The following DBNDD2 variants were observed in gnomAD, a reference collection of about 807,000 sequenced individuals.
DBNDD2 encodes the protein dysbindin domain-containing protein 2.
Under a neutral mutation model 14.0 loss-of-function variants are expected in DBNDD2, and 8 were observed. The ratio of observed to expected loss-of-function variants is 0.57; its 90% CI spans 0.33 to 1.03. DBNDD2 has a LOEUF of 1.03. DBNDD2 is among the 50% of genes least tolerant of loss of function. DBNDD2 has a pLI of 0.03. For missense variants in DBNDD2, 194 were observed against 206.0 expected (o/e 0.94, Z 0.36); for synonymous variants, 94 against 85.3 (o/e 1.10, Z -0.56).
At chr20:45,409,579 T>C (rs1191521549) in intron 2 of DBNDD2, among the ~76,000 whole-genome samples, 54 of 152,368 alleles carry the variant, frequency 3.5e-4, no homozygotes, top group East Asian at 1.9e-4. Flanking sequence ...TAGGTTTTAT[T>C]CCCAAAACCC....
chr20:45,410,369 T>C lies in DBNDD2; in HGVS notation c.*229T>C. ...CAGTTTTTGGCTTACTCCTGAGATA[T>C]GATTTGCAAATGAGGAGAGAGAAGA... On this transcript the variant is annotated 3_prime_UTR_variant, in exon 3 of 3. Transcript: ENST00000372710. The C allele has an allele frequency of 1.8e-6, 1 of 561,208 alleles. No individual in the cohort carries two copies. Among genetic ancestry groups the C allele is most frequent in the South Asian group, 2.0e-5 (1 of 48,806 alleles). 34.8% of individuals were successfully genotyped at this position (561,208 alleles called of 1,614,324 possible).
At chr20:45,407,903 C>A (rs918831377), upstream of DBNDD2, 13 of 1,279,044 alleles carry the variant, frequency 1.0e-5, no homozygotes. Context: ...GTAGATGGCA[C>A]ATGCGTGTGT....
upstream of DBNDD2, chr20:45,407,949 CG>C: frequency 7.2e-7 from 1 of 1,382,240 alleles, no homozygotes; most frequent in Non-Finnish European, 9.3e-7. Flanking sequence ...AGGAGGGGCG[CG>C]GGAGGAGTTG....
At position 45,410,041 on chromosome 20, in the gene DBNDD2, C is replaced by T. The variant is rs1164744523; in HGVS notation, c.387C>T (p.Ser129=). The stretch of plus-strand genomic sequence containing the variant: ...CCGACTCCTCCACCAACCTGCATAG[C>T]CCAAATCCAAGTGATGATGGAGCAG... ...SSSDSSTNLH[S]PNPSDDGADT... is the part of the protein sequence containing the mutation. Residue 129 remains serine, a synonymous_variant, in exon 3 of 3, where the codon AGC becomes AGT. Transcript: ENST00000372710. The T allele has an allele frequency of 6.4e-7, 1 of 1,553,458 alleles. No homozygotes were observed. Among genetic ancestry groups the T allele is most frequent in the South Asian group, 1.2e-5 (1 of 84,106 alleles).
rs1989784408 is a variant in DBNDD2 at position 45,410,482 on chromosome 20, A to G, written c.*342A>G. The G allele has an allele frequency of 3.3e-6, 1 of 305,882 alleles. No homozygotes were observed. Among genetic ancestry groups the G allele is most frequent in the African/African-American group, 2.1e-5 (1 of 47,302 alleles). 18.9% of individuals were successfully genotyped at this position (305,882 alleles called of 1,614,324 possible). ...GTCTTCTAATACAGTCTCTCAGACA[A>G]GTGTCTCTAGATGGATGTGAACTCC... is the stretch of plus-strand genomic sequence containing the variant. On this transcript the variant is annotated 3_prime_UTR_variant, in exon 3 of 3. Transcript: ENST00000372710.
At position 45,410,361 on chromosome 20, in the gene DBNDD2, C is replaced by T. The variant is rs952514348; in HGVS notation, c.*221C>T. The stretch of plus-strand genomic sequence containing the variant: ...CCTCCCACCAGTTTTTGGCTTACTC[C>T]TGAGATATGATTTGCAAATGAGGAG... On this transcript the variant is annotated 3_prime_UTR_variant, in exon 3 of 3. Coordinates refer to ENST00000372710, the MANE Select transcript of DBNDD2 (RefSeq NM_001048225.4). 2 of 578,022 alleles carry T rather than the reference C, an allele frequency of 3.5e-6. No homozygotes were observed. The highest frequency in any genetic ancestry group is 6.1e-6 in the Non-Finnish European group (2 of 327,374). 35.8% of individuals were successfully genotyped at this position (578,022 alleles called of 1,614,324 possible).
chr20:45,408,011 C>G (rs1399058983), upstream of DBNDD2: 3 of 1,428,890 alleles, frequency 2.1e-6, no homozygotes, highest in Non-Finnish European at 2.7e-6. Flanking sequence ...GGCTGCAGCA[C>G]TGGAGGAAGG....
At chr20:45,406,076 G>A (rs1439037690), upstream of DBNDD2, 7 of 190,646 alleles carry the variant, frequency 3.7e-5, no homozygotes, top group African/African-American at 9.4e-5. Flanking sequence ...GGGGCAGCCG[G>A]GCGAGTCCCA....
intron 1 of DBNDD2, 44 bp from the exon 2 acceptor site, chr20:45,408,757 G>A (rs1185164496): frequency 1.3e-5 from 20 of 1,597,900 alleles, no homozygotes; most frequent in Admixed American, 1.7e-5. Context: ...CTGTCCTGGT[G>A]TGCAGCTTGG....
At position 45,410,134 on chromosome 20, in the gene DBNDD2, C is replaced by T; in HGVS notation, c.480C>T (p.Cys160=). Residue 160 remains cysteine, a synonymous_variant, in exon 3 of 3, where the codon TGC becomes TGT. Transcript: ENST00000372710. ...RGDGGAEPGA[C]S ...ATGGAGGGGCAGAGCCTGGAGCCTG[C>T]AGCTAGCAGTGGGCCCCTGCCTACA... 1 of 1,551,816 alleles carries T rather than the reference C, an allele frequency of 6.4e-7. No homozygotes were observed. The highest frequency in any genetic ancestry group is 8.7e-7 in the Non-Finnish European group (1 of 1,147,108).
At chr20:45,408,003 C>T (rs1170556577), upstream of DBNDD2, 13 of 1,423,386 alleles carry the variant, frequency 9.1e-6, no homozygotes, top group African/African-American at 1.4e-5. Flanking sequence ...AAGGGGTGGG[C>T]TGCAGCACTG....
At position 45,408,426 on chromosome 20, in the gene DBNDD2, T is replaced by C. The variant is rs1452822356; in HGVS notation, c.-42T>C. On this transcript the variant is annotated 5_prime_UTR_variant, in exon 1 of 3. Coordinates refer to ENST00000372710, the MANE Select transcript of DBNDD2 (RefSeq NM_001048225.4). ...TCCCCTCTGTCTTCTCTTTCGACTT[T>C]GCAGCTGTACTTGTTTTGCTCCTCT... The C allele has an allele frequency of 1.9e-6, 3 of 1,614,104 alleles. No homozygotes were observed. Among genetic ancestry groups the C allele is most frequent in the South Asian group, 1.1e-5 (1 of 91,094 alleles).
upstream of DBNDD2, chr20:45,406,497 G>T: frequency 1.3e-6 from 2 of 1,527,364 alleles, no homozygotes; most frequent in Non-Finnish European, 1.8e-6. Context: ...ACCAGTAGCC[G>T]CGCTCGCAGG....
upstream of DBNDD2, chr20:45,408,240 T>C (rs990903749): frequency 2.8e-5 from 43 of 1,551,170 alleles, no homozygotes; most frequent in African/African-American, 4.5e-4. Context: ...ATCCCCTTTG[T>C]GGAGCTTAGG....
At chr20:45,408,730 C>T (rs6104146) in intron 1 of DBNDD2, 71 bp from the exon 2 acceptor site, 1 of 1,583,428 alleles carries the variant, frequency 6.3e-7, no homozygotes, top group Non-Finnish European at 8.7e-7. Flanking sequence ...AACTTGGGAC[C>T]TGACATGTAA....
At position 45,410,079 on chromosome 20, in the gene DBNDD2, C is replaced by T; in HGVS notation, c.425C>T (p.Ala142Val). 2 of 1,554,922 alleles carry T rather than the reference C, an allele frequency of 1.3e-6. No homozygotes were observed. The highest frequency in any genetic ancestry group is 1.7e-6 in the Non-Finnish European group (2 of 1,148,610). ...PSDDGADTPL[A>V]QSDEEEERGD... ...GATGATGGAGCAGATACGCCCTTGGCACAGTCGGATGAAGAGGAGGAAAGG... is the reference window on the plus strand; with the variant it reads ...GATGATGGAGCAGATACGCCCTTGGTACAGTCGGATGAAGAGGAGGAAAGG... The change falls in exon 3 of 3, where the codon GCA (alanine) becomes GTA (valine). Residue 142 changes from alanine (A) to valine (V), a missense_variant. By Grantham distance (64) the Ala-to-Val change is moderately conservative. Coordinates refer to ENST00000372710, the MANE Select transcript of DBNDD2 (RefSeq NM_001048225.4).
At chr20:45,408,645 TAGGG>T (rs1989633797) in intron 1 of DBNDD2, 39 bp downstream of exon 1, 1 of 1,600,210 alleles carries the variant, frequency 6.2e-7, no homozygotes, top group Non-Finnish European at 8.5e-7. Context: ...TGGGGTAGGG[TAGGG>T]AGGATGTCCT....
chr20:45,410,338 T>A lies in DBNDD2; in HGVS notation c.*198T>A, dbSNP rs906033771. ...TGCTAATTTTTTCCTGCTGCAACCC[T>A]CCCACCAGTTTTTGGCTTACTCCTG... is the stretch of plus-strand genomic sequence containing the variant. On this transcript the variant is annotated 3_prime_UTR_variant, in exon 3 of 3. Transcript: ENST00000372710. 1.5e-4 allele frequency: 96 copies of A among 644,856 alleles called. 1 individual carries two copies. In the East Asian group the frequency reaches 2.7e-3, roughly 18 times the overall value. The allele number at this position is 644,856 out of a possible 1,614,324, so 39.9% of individuals were successfully genotyped here.
upstream of DBNDD2, chr20:45,407,627 C>G (rs1304167158): frequency 1.3e-4 from 127 of 988,456 alleles, no homozygotes; most frequent in Non-Finnish European, 1.5e-4. Flanking sequence ...CCAGAACCCG[C>G]CTTTCCAATT....
Sources: gnomAD v4.1 joint callset for allele counts (sites outside exome capture counted in the v4.1 genomes callset) on GRCh38, gnomAD v4.1.1 for gene constraint, MANE v1.5 for transcripts, NCBI Gene and HGNC (gene_info 2026-07-23, HGNC 2026-07-21) for gene names.